Variants in IKZF2 observed in about 807,000 individuals in gnomAD.
IKZF2 encodes the protein IKAROS family zinc finger 2, also known as zinc finger protein Helios.
IKZF2 carries 15 observed loss-of-function variants against 49.2 expected under a neutral mutation model. The observed-to-expected ratio is 0.30, with a 90% CI of 0.20 to 0.47. The LOEUF is 0.47. IKZF2 is among the 20% of genes least tolerant of loss of function. The pLI, the probability that IKZF2 is intolerant of heterozygous loss-of-function variation, is 1.00. For missense variants in IKZF2, 567 were observed against 664.6 expected (o/e 0.85, Z 1.61); for synonymous variants, 227 against 221.4 (o/e 1.03, Z -0.23).
At chr2:213,122,319 TC>T (rs1284942143) in intron 4 of IKZF2, among the ~76,000 whole-genome samples, 3 of 152,222 alleles carry the variant, frequency 2.0e-5, no homozygotes, top group Non-Finnish European at 4.4e-5. Context: ...ACCACTATTT[TC>T]TTTCCCAAGT....
Position 213,000,460 on chromosome 2 carries a change from T to C in IKZF2, c.*6900A>G, listed in dbSNP as rs1380836935. Reference sequence around the variant, plus strand: ...ATTGTTAAAGAAAGAATATCTAAAATGGCCAAGACACATACTGTACAAATG... The same window carrying C: ...ATTGTTAAAGAAAGAATATCTAAAACGGCCAAGACACATACTGTACAAATG... On this transcript the variant is annotated 3_prime_UTR_variant, in exon 9 of 9. Coordinates refer to ENST00000434687, the MANE Select transcript of IKZF2 (RefSeq NM_001387220.1). 6.6e-6 allele frequency: 1 copy of C among 151,652 alleles called. No homozygotes were observed. 9.4% of individuals were successfully genotyped at this position (151,652 alleles called of 1,614,324 possible). A position where few individuals can be genotyped will look rare whatever the true frequency, so the allele number is the denominator to read the frequency against.
chr2:213,136,167 T>C (rs1405452651), intron 4 of IKZF2, among the ~76,000 whole-genome samples: 1 of 150,752 alleles, frequency 6.6e-6, no homozygotes, highest in African/African-American at 2.4e-5. Context: ...GTCAAGAGTT[T>C]GAGACCAGCC....
chr2:213,095,084 A>T (rs1705816452), intron 4 of IKZF2, among the ~76,000 whole-genome samples: 1 of 152,198 alleles, frequency 6.6e-6, no homozygotes, highest in African/African-American at 2.4e-5. Context: ...ACAAACCTTA[A>T]GTTCAGATCT....
At chr2:213,045,937 C>T (rs969230713) in intron 6 of IKZF2, among the ~76,000 whole-genome samples, 1 of 152,188 alleles carries the variant, frequency 6.6e-6, no homozygotes, top group Non-Finnish European at 1.5e-5. Context: ...ATGATGAAAG[C>T]TCCCTCTACT....
At chr2:213,138,185 T>C (rs553637679) in intron 4 of IKZF2, among the ~76,000 whole-genome samples, 1 of 152,170 alleles carries the variant, frequency 6.6e-6, no homozygotes, top group South Asian at 2.1e-4. Flanking sequence ...TGGAATTAAA[T>C]CTGTAACCTT....
chr2:213,087,176 C>A (rs951384819), intron 4 of IKZF2, among the ~76,000 whole-genome samples: 15 of 151,912 alleles, frequency 9.9e-5, no homozygotes, highest in Non-Finnish European at 2.2e-4. Flanking sequence ...GTAAAATTGA[C>A]CCAAGCAGAG....
At chr2:213,140,956 G>T (rs1042843055) in intron 4 of IKZF2, among the ~76,000 whole-genome samples, 1 of 151,974 alleles carries the variant, frequency 6.6e-6, no homozygotes, top group East Asian at 1.9e-4. Flanking sequence ...TCATACTTCA[G>T]TCTATATCCA....
At chr2:213,045,876 C>A (rs568056342) in intron 6 of IKZF2, among the ~76,000 whole-genome samples, 5 of 152,238 alleles carry the variant, frequency 3.3e-5, no homozygotes, top group African/African-American at 1.2e-4. Context: ...CACAGGCTGT[C>A]CATTTTGAGA....
intron 4 of IKZF2, among the ~76,000 whole-genome samples, chr2:213,093,268 T>C (rs1705562871): frequency 6.6e-6 from 1 of 152,180 alleles, no homozygotes; most frequent in Admixed American, 6.6e-5. Context: ...GTATATTACA[T>C]GGCTCCTTCT....
chr2:213,095,016 T>C (rs1451881615), intron 4 of IKZF2, among the ~76,000 whole-genome samples: 1 of 152,172 alleles, frequency 6.6e-6, no homozygotes, highest in African/African-American at 2.4e-5. Flanking sequence ...TTTTAAATTA[T>C]TGACTTGAAA....
At chr2:213,069,125 TC>T (rs1210030925) in intron 4 of IKZF2, among the ~76,000 whole-genome samples, 1 of 152,096 alleles carries the variant, frequency 6.6e-6, no homozygotes, top group Admixed American at 6.6e-5. Flanking sequence ...GGGAGTTTCC[TC>T]CCCATCTGGG....
intron 4 of IKZF2, among the ~76,000 whole-genome samples, chr2:213,139,543 T>C (rs1384744905): frequency 3.4e-5 from 5 of 149,188 alleles, no homozygotes; most frequent in African/African-American, 1.2e-4. Flanking sequence ...CCAGCTCCTA[T>C]GTTTGTTGGT....
chr2:213,126,719 G>T (rs1230839603), intron 4 of IKZF2, among the ~76,000 whole-genome samples: 2 of 152,062 alleles, frequency 1.3e-5, no homozygotes, highest in Admixed American at 1.3e-4. Context: ...CAAAGAAAAA[G>T]AAATTTGATT....
chr2:213,108,146 G>A (rs2059592893), intron 4 of IKZF2, among the ~76,000 whole-genome samples: 1 of 152,090 alleles, frequency 6.6e-6, no homozygotes, highest in Non-Finnish European at 1.5e-5. Flanking sequence ...CAAAATGGGT[G>A]CATGCTTTGA....
At chr2:213,074,045 T>C (rs887144822) in intron 4 of IKZF2, among the ~76,000 whole-genome samples, 6 of 152,176 alleles carry the variant, frequency 3.9e-5, no homozygotes, top group Non-Finnish European at 8.8e-5. Context: ...CTGATTTAAA[T>C]ATCATACAAA....
At position 213,052,960 on chromosome 2, in the gene IKZF2, C is replaced by T. The variant is rs941648394; in HGVS notation, c.407-3080G>A. Among the ~76,000 whole-genome samples the T allele has an allele frequency of 3.3e-5, 5 of 152,034 alleles. No homozygotes were observed. In the South Asian group the frequency reaches 6.2e-4, roughly 19 times the overall value. On this transcript the variant is annotated intron_variant, in intron 5 of 8. Coordinates refer to ENST00000434687, the MANE Select transcript of IKZF2 (RefSeq NM_001387220.1). ...TACTGTCTATGAAACTTTAAAACAA[C>T]ATATCTCAATTATTTCTTGTAAATA...
intron 4 of IKZF2, among the ~76,000 whole-genome samples, chr2:213,132,837 T>C (rs1354180845): frequency 1.3e-5 from 2 of 152,232 alleles, no homozygotes; most frequent in Admixed American, 1.3e-4. Context: ...GGTTTATGTG[T>C]GATTCAATTT....
intron 4 of IKZF2, among the ~76,000 whole-genome samples, chr2:213,095,178 G>A (rs945646821): frequency 1.3e-5 from 2 of 151,992 alleles, no homozygotes; most frequent in African/African-American, 4.8e-5. Flanking sequence ...TTAAGTAAGT[G>A]AACATTAAAA....
intron 6 of IKZF2, among the ~76,000 whole-genome samples, chr2:213,039,443 C>T (rs902943438): frequency 1.3e-5 from 2 of 151,918 alleles, no homozygotes; most frequent in African/African-American, 4.8e-5. Flanking sequence ...TGGTCCAGTT[C>T]CTTTTTATGG....
Sources: allele counts gnomAD v4.1 joint callset (sites outside exome capture counted in the v4.1 genomes callset), GRCh38; gene constraint gnomAD v4.1.1; transcripts MANE v1.5; gene names NCBI Gene and HGNC (gene_info 2026-07-23, HGNC 2026-07-21).